The following SLC2A13 variants were observed in gnomAD, a reference collection of about 807,000 sequenced individuals.
The protein encoded by SLC2A13 is proton myo-inositol cotransporter.
In SLC2A13, 32 loss-of-function variants were observed where a neutral mutation model predicts 64.4. The ratio of observed to expected loss-of-function variants is 0.50; its 90% CI spans 0.37 to 0.67. SLC2A13 has a LOEUF of 0.67. Among genes scored for constraint, SLC2A13 ranks in the 30% least tolerant of loss-of-function variants. SLC2A13 has a pLI of 0.00. For synonymous variants in SLC2A13, 338 were observed against 327.1 expected (o/e 1.03, Z -0.36); for missense variants, 743 against 829.2 (o/e 0.90, Z 1.28).
intron 3 of SLC2A13, among the ~76,000 whole-genome samples, chr12:40,000,624 G>A (rs971447387): frequency 7.9e-5 from 12 of 152,150 alleles, no homozygotes; most frequent in African/African-American, 2.9e-4. Context: ...TTTTCTGGAG[G>A]CCTCTCTCTC....
chr12:39,947,321 T>C (rs918803109), intron 4 of SLC2A13, among the ~76,000 whole-genome samples: 2 of 152,222 alleles, frequency 1.3e-5, no homozygotes, highest in Non-Finnish European at 2.9e-5. Flanking sequence ...AAGAGAGTCA[T>C]TTAACCACTT....
intron 1 of SLC2A13, among the ~76,000 whole-genome samples, chr12:40,069,234 T>G (rs761850414): frequency 7.2e-5 from 11 of 152,156 alleles, no homozygotes; most frequent in Non-Finnish European, 1.5e-4. Flanking sequence ...TCTCAAAGTC[T>G]TTCTGGTATT....
intron 1 of SLC2A13, among the ~76,000 whole-genome samples, chr12:40,101,381 G>C (rs1309290891): frequency 6.6e-6 from 1 of 151,926 alleles, no homozygotes; most frequent in Admixed American, 6.5e-5. Context: ...TGCTATCTTC[G>C]CCTTTGTCAA....
intron 1 of SLC2A13, among the ~76,000 whole-genome samples, chr12:40,080,275 A>G (rs1938344604): frequency 6.6e-6 from 1 of 152,186 alleles, no homozygotes. Flanking sequence ...CTTTGAGCCT[A>G]TGAGTGGGTT....
chr12:39,872,191 G>A (rs551415090), intron 4 of SLC2A13, among the ~76,000 whole-genome samples: 39 of 152,288 alleles, frequency 2.6e-4, no homozygotes, highest in African/African-American at 8.7e-4. Context: ...ACCTGAGCAA[G>A]TAGATAAGGT....
At chr12:40,075,213 T>C (rs1938123681) in intron 1 of SLC2A13, among the ~76,000 whole-genome samples, 1 of 152,160 alleles carries the variant, frequency 6.6e-6, no homozygotes, top group Admixed American at 6.6e-5. Flanking sequence ...GGAAGACCCC[T>C]CCACCCACTT....
At chr12:39,850,388 T>C (rs960017854) in intron 6 of SLC2A13, among the ~76,000 whole-genome samples, 1 of 152,210 alleles carries the variant, frequency 6.6e-6, no homozygotes, top group East Asian at 1.9e-4. Flanking sequence ...GCAGTTGAAC[T>C]GAGCCATGGC....
At chr12:40,052,384 A>C (rs1948273303) in intron 1 of SLC2A13, among the ~76,000 whole-genome samples, 1 of 152,006 alleles carries the variant, frequency 6.6e-6, no homozygotes, top group Admixed American at 6.6e-5. Flanking sequence ...CTAGTTCTTG[A>C]GCTTTTATCA....
At chr12:40,032,781 G>A (rs529136379) in intron 2 of SLC2A13, among the ~76,000 whole-genome samples, 145 of 152,246 alleles carry the variant, frequency 9.5e-4, no homozygotes, top group African/African-American at 3.0e-3. Context: ...TGTAACTAAC[G>A]ACAATAATCC....
At chr12:39,962,395 G>A (rs1364283788) in intron 3 of SLC2A13, among the ~76,000 whole-genome samples, 1 of 152,176 alleles carries the variant, frequency 6.6e-6, no homozygotes, top group Non-Finnish European at 1.5e-5. Context: ...CCAGCCATGG[G>A]TTACTCTTGA....
At chr12:39,914,981 A>T (rs1367006439) in intron 4 of SLC2A13, among the ~76,000 whole-genome samples, 4 of 151,982 alleles carry the variant, frequency 2.6e-5, no homozygotes, top group Non-Finnish European at 5.9e-5. Context: ...AACAGGTTAT[A>T]GACTTAGTTT....
At chr12:39,841,498 G>T (rs1376402261) in intron 6 of SLC2A13, among the ~76,000 whole-genome samples, 1 of 151,954 alleles carries the variant, frequency 6.6e-6, no homozygotes, top group Non-Finnish European at 1.5e-5. Flanking sequence ...GATCAACATA[G>T]TTAAAAACCT....
intron 1 of SLC2A13, among the ~76,000 whole-genome samples, chr12:40,098,269 C>T (rs1031147915): frequency 1.3e-5 from 2 of 152,064 alleles, no homozygotes; most frequent in African/African-American, 2.4e-5. Flanking sequence ...ATTCCACTTA[C>T]GTGAAGTATC....
At position 39,759,101 on chromosome 12, in the gene SLC2A13, ATAG is replaced by A. The variant is rs891088109; in HGVS notation, c.*922_*924del. The A allele has an allele frequency of 2.0e-5, 3 of 152,448 alleles. No homozygotes were observed. The highest frequency in any genetic ancestry group is 7.2e-5 in the African/African-American group (3 of 41,406). The allele number at this position is 152,448 out of a possible 1,614,324, so 9.4% of individuals were successfully genotyped here. A position where few individuals can be genotyped will look rare whatever the true frequency, so the allele number is the denominator to read the frequency against. Reference sequence around the variant, plus strand: ...TATGTAACACAAATGAAGGCACGAAATAGTAGGACTCCAAGGCCAATGAGGAAG... The same window carrying A: ...TATGTAACACAAATGAAGGCACGAAATAGGACTCCAAGGCCAATGAGGAAG... On this transcript the variant is annotated 3_prime_UTR_variant, in exon 10 of 10. Coordinates refer to ENST00000280871, the MANE Select transcript of SLC2A13 (RefSeq NM_052885.4).
At position 39,932,698 on chromosome 12, in the gene SLC2A13, T is replaced by C. The variant is rs115783280; in HGVS notation, c.1034+18559A>G. On this transcript the variant is annotated intron_variant, in intron 4 of 9. Transcript: ENST00000280871. ...AGGTCAAGGCCTATCTGAGGTGTGC[T>C]GTTTAAATTCAGACGCAAGTGACAA... Among the ~76,000 whole-genome samples the C allele has an allele frequency of 4.2e-3, 634 of 152,324 alleles. 11 individuals are homozygous for C. The highest frequency in any genetic ancestry group is 0.015 in the African/African-American group (621 of 41,582).
chr12:39,856,138 T>C (rs922819712), intron 6 of SLC2A13, among the ~76,000 whole-genome samples: 2 of 152,134 alleles, frequency 1.3e-5, no homozygotes, highest in Admixed American at 1.3e-4. Flanking sequence ...TTGCCACATA[T>C]ACCTAAGTTC....
intron 3 of SLC2A13, among the ~76,000 whole-genome samples, chr12:40,014,109 A>C (rs1947578528): frequency 6.6e-6 from 1 of 152,210 alleles, no homozygotes; most frequent in African/African-American, 2.4e-5. Flanking sequence ...GTTTATAAAA[A>C]CTTTGTACAC....
chr12:40,077,404 A>G (rs1050627713), intron 1 of SLC2A13, among the ~76,000 whole-genome samples: 2 of 152,200 alleles, frequency 1.3e-5, no homozygotes, highest in African/African-American at 4.8e-5. Context: ...TTTATTAAAT[A>G]GGTAATCCTT....
rs1405035496 is a variant in SLC2A13 at position 39,914,227 on chromosome 12, A to AT, written c.1034+37029dup. Reference sequence around the variant, plus strand: ...GGGCATGATATAGAGATTTAAATAGATTTTTTCACGTCTAATGAAAGAATG... The same window carrying AT: ...GGGCATGATATAGAGATTTAAATAGATTTTTTTCACGTCTAATGAAAGAATG... On this transcript the variant is annotated intron_variant, in intron 4 of 9. Transcript: ENST00000280871. Among the ~76,000 whole-genome samples, 9 of 152,144 alleles carry AT rather than the reference A, an allele frequency of 5.9e-5. No individual in the cohort carries two copies. In the East Asian group the frequency reaches 1.4e-3, roughly 23 times the overall value.
Sources: gnomAD v4.1 joint callset for allele counts (sites outside exome capture counted in the v4.1 genomes callset) on GRCh38, gnomAD v4.1.1 for gene constraint, MANE v1.5 for transcripts, NCBI Gene and HGNC (gene_info 2026-07-23, HGNC 2026-07-21) for gene names.